The following PTGFRN variants were observed in gnomAD, a reference collection of about 807,000 sequenced individuals.
PTGFRN encodes the protein prostaglandin F2 receptor inhibitor.
In PTGFRN, 35 loss-of-function variants were observed where a neutral mutation model predicts 83.2. The ratio of observed to expected loss-of-function variants is 0.42; its 90% CI spans 0.32 to 0.56. The LOEUF (loss-of-function observed/expected upper bound fraction) is 0.56, where lower values mean the gene tolerates loss of function less well. Among genes scored for constraint, PTGFRN ranks in the 20% least tolerant of loss-of-function variants. PTGFRN has a pLI of 0.11. For missense variants in PTGFRN, 1,051 were observed against 1,179.5 expected (o/e 0.89, Z 1.60); for synonymous variants, 519 against 498.6 (o/e 1.04, Z -0.55).
chr1:116,984,198 C>T (rs1007820254), intron 7 of PTGFRN, among the ~76,000 whole-genome samples: 6 of 152,126 alleles, frequency 3.9e-5, no homozygotes, highest in African/African-American at 1.4e-4. Flanking sequence ...ATTTTATGTA[C>T]ATTTTGTTCC....
At chr1:116,925,289 A>T (rs953063711) in intron 1 of PTGFRN, among the ~76,000 whole-genome samples, 2 of 152,050 alleles carry the variant, frequency 1.3e-5, no homozygotes, top group African/African-American at 4.8e-5. Context: ...TTAGCTGGGC[A>T]TGGTGGCACA....
intron 7 of PTGFRN, among the ~76,000 whole-genome samples, chr1:116,976,022 C>T (rs950497852): frequency 1.3e-5 from 2 of 152,084 alleles, no homozygotes; most frequent in Non-Finnish European, 2.9e-5. Context: ...GTAGAGAAGT[C>T]CTTAAATGAC....
chr1:116,957,104 A>ACTCTCTCT (rs35590261), intron 4 of PTGFRN, among the ~76,000 whole-genome samples: 1 of 139,676 alleles, frequency 7.2e-6, no homozygotes, highest in Non-Finnish European at 1.6e-5. Context: ...CAAGGTTTTA[A>ACTCTCTCT]CTCTCTCTCT....
chr1:116,961,544 T>C lies in PTGFRN; in HGVS notation c.1515T>C (p.Thr505=). ...TDTFNFRIQR[T]TEEDRGNYYC... is the part of the protein sequence containing the mutation. Reference sequence around the variant, plus strand: ...CGTTCAATTTCCGGATCCAAAGGACTACAGAGGAAGACAGAGGCAATTATT... The same window carrying C: ...CGTTCAATTTCCGGATCCAAAGGACCACAGAGGAAGACAGAGGCAATTATT... The change falls in exon 5 of 9, where the codon ACT becomes ACC. Residue 505 remains threonine (T), a synonymous_variant. Transcript: ENST00000393203. This position sits in a 1 kb window ranked among gnomAD's most constrained non-coding sequence, Gnocchi z 5.4. 1 of 1,614,114 alleles carries C rather than the reference T, an allele frequency of 6.2e-7. No individual in the cohort carries two copies. Among genetic ancestry groups the C allele is most frequent in the Non-Finnish European group, 8.5e-7 (1 of 1,180,016 alleles).
At chr1:116,920,429 C>A (rs941261722) in intron 1 of PTGFRN, among the ~76,000 whole-genome samples, 1 of 152,220 alleles carries the variant, frequency 6.6e-6, no homozygotes, top group Non-Finnish European at 1.5e-5. Context: ...GCTGACTAAT[C>A]AAGCCTCAGC....
At chr1:116,943,494 T>G (rs1650109614) in intron 2 of PTGFRN, among the ~76,000 whole-genome samples, 2 of 152,154 alleles carry the variant, frequency 1.3e-5, no homozygotes, top group Non-Finnish European at 2.9e-5. Flanking sequence ...AGAGGAGGCC[T>G]TTCTTGGGTG....
At chr1:116,927,551 G>A (rs1399280422) in intron 1 of PTGFRN, among the ~76,000 whole-genome samples, 1 of 114,326 alleles carries the variant, frequency 8.7e-6, no homozygotes, top group African/African-American at 9.6e-5. Context: ...TTTTGATACA[G>A]GGTCTCGACC....
intron 1 of PTGFRN, among the ~76,000 whole-genome samples, chr1:116,910,673 A>T (rs1346352548): frequency 6.6e-6 from 1 of 151,776 alleles, no homozygotes; most frequent in African/African-American, 2.4e-5. Context: ...ATGCCCCGCC[A>T]TAGCCGCCGC....
At position 116,978,815 on chromosome 1, in the gene PTGFRN, G is replaced by A. The variant is rs191366615; in HGVS notation, c.2167+4492G>A. The stretch of plus-strand genomic sequence containing the variant: ...GCATTCCCTTTGAAAACTGGCACAA[G>A]ACAGGGATACCCTCTCTCACCACTC... On this transcript the variant is annotated intron_variant, in intron 7 of 8. Transcript: ENST00000393203. Among the ~76,000 whole-genome samples the A allele has an allele frequency of 3.8e-3, 578 of 152,254 alleles. 5 individuals are homozygous for A. The highest frequency in any genetic ancestry group is 0.012 in the African/African-American group (517 of 41,524).
intron 5 of PTGFRN, 49 bp from the exon 6 acceptor site, chr1:116,966,861 AT>A: frequency 6.6e-7 from 1 of 1,518,846 alleles, no homozygotes; most frequent in Non-Finnish European, 8.8e-7. Context: ...TTGCATTTTT[AT>A]TTTAACTGAT....
intron 7 of PTGFRN, among the ~76,000 whole-genome samples, chr1:116,975,943 C>T (rs903845853): frequency 3.3e-5 from 5 of 152,182 alleles, no homozygotes; most frequent in South Asian, 2.1e-4. Flanking sequence ...GGAGGAAGTT[C>T]GAATCCATCG....
chr1:116,928,880 C>T (rs1328933908), intron 1 of PTGFRN, among the ~76,000 whole-genome samples: 3 of 152,114 alleles, frequency 2.0e-5, no homozygotes, highest in African/African-American at 7.2e-5. Context: ...TATGTGTATT[C>T]TTTCCCCAAG....
At chr1:116,946,246 C>T (rs1339619336) in intron 3 of PTGFRN, among the ~76,000 whole-genome samples, 4 of 152,162 alleles carry the variant, frequency 2.6e-5, no homozygotes, top group Non-Finnish European at 4.4e-5. Context: ...TTGTCCTGAG[C>T]TCTTTACTCT....
At chr1:116,939,064 G>C (rs373135888) in intron 1 of PTGFRN, among the ~76,000 whole-genome samples, 112 of 152,344 alleles carry the variant, frequency 7.4e-4, no homozygotes, top group Non-Finnish European at 1.3e-3. Context: ...GCAGGGTACT[G>C]CCTCCCTCCC....
At chr1:116,943,382 C>T (rs530128240) in intron 2 of PTGFRN, among the ~76,000 whole-genome samples, 1 of 152,214 alleles carries the variant, frequency 6.6e-6, no homozygotes, top group Non-Finnish European at 1.5e-5. Context: ...GGAGTCTCCT[C>T]TTGAGTGGGA....
At chr1:116,980,270 T>C (rs1327811455) in intron 7 of PTGFRN, among the ~76,000 whole-genome samples, 3 of 152,222 alleles carry the variant, frequency 2.0e-5, no homozygotes, top group African/African-American at 7.2e-5. Flanking sequence ...TTGGTGAGAC[T>C]GTAAACTAGT....
At chr1:116,960,410 G>T (rs890766699) in intron 4 of PTGFRN, among the ~76,000 whole-genome samples, 4 of 152,256 alleles carry the variant, frequency 2.6e-5, no homozygotes, top group Admixed American at 6.5e-5. Context: ...TGCAGAAATG[G>T]ATTAAATTGA....
chr1:116,915,937 G>T lies in PTGFRN; in HGVS notation c.49+5685G>T, dbSNP rs186615193. ...CTGGAAAAGGTGAAGTGCTGCAGTT[G>T]GCACAGTCAGTGGTTTTTTCGATCT... is the stretch of plus-strand genomic sequence containing the variant. On this transcript the variant is annotated intron_variant, in intron 1 of 8. Transcript: ENST00000393203. Among the ~76,000 whole-genome samples, 370 of 152,338 alleles carry T rather than the reference G, an allele frequency of 2.4e-3. 3 individuals carry two copies. The highest frequency in any genetic ancestry group is 0.016 in the Admixed American group (246 of 15,302).
intron 8 of PTGFRN, 92 bp downstream of exon 8, chr1:116,985,077 G>A: frequency 3.0e-6 from 4 of 1,334,220 alleles, no homozygotes; most frequent in Non-Finnish European, 4.2e-6. Flanking sequence ...CACAGTTTGA[G>A]GAATGTGCCA....
Sources: allele counts gnomAD v4.1 joint callset (sites outside exome capture counted in the v4.1 genomes callset), GRCh38; gene constraint gnomAD v4.1.1; non-coding constraint Gnocchi (gnomAD v3.1); transcripts MANE v1.5; gene names NCBI Gene and HGNC (gene_info 2026-07-23, HGNC 2026-07-21).